STC2: variants seen among roughly 807,000 people sequenced by gnomAD.
STC2 encodes the protein stanniocalcin-2.
In STC2, 7 loss-of-function variants were observed where a neutral mutation model predicts 22.7. The observed-to-expected ratio is 0.31, with a 90% confidence interval of 0.18 to 0.58. STC2 has a LOEUF of 0.58. Ranked by LOEUF, STC2 falls within the 20% of genes least tolerant of loss-of-function variation. The probability of loss-of-function intolerance (pLI) is 0.89; values close to 1 mark genes in which losing one functional copy is unlikely to be tolerated. For missense variants in STC2, 336 were observed against 406.2 expected (o/e 0.83, Z 1.48); for synonymous variants, 158 against 163.4 (o/e 0.97, Z 0.25).
intron 3 of STC2, among the ~76,000 whole-genome samples, chr5:173,320,654 G>A (rs1762473535): frequency 2.6e-5 from 4 of 151,820 alleles, no homozygotes; most frequent in African/African-American, 9.7e-5. Flanking sequence ...AAGGGGTGAG[G>A]GGAGCGGAGA....
At position 173,323,508 on chromosome 5, in the gene STC2, CTTCTT is replaced by C; in HGVS notation, c.295-83_295-79del. 1.5e-6 allele frequency: 2 copies of C among 1,352,320 alleles called. No homozygotes were observed. The highest frequency in any genetic ancestry group is 1.4e-5 in the African/African-American group (1 of 69,224). 83.8% of individuals were successfully genotyped at this position (1,352,320 alleles called of 1,614,324 possible). A position where few individuals can be genotyped will look rare whatever the true frequency, so the allele number is the denominator to read the frequency against. On this transcript the variant is annotated intron_variant, in intron 2 of 3. Coordinates refer to ENST00000265087, the MANE Select transcript of STC2 (RefSeq NM_003714.3). The surrounding 1 kb of genome is among the most constrained non-coding windows in gnomAD (Gnocchi z 5.4). ...CGTTACATGCTTGGACATTTCAGCC[CTTCTT>C]GGGCTTACACAGGATATTTCTGACA...
At chr5:173,324,297 C>A (rs910706123) in intron 2 of STC2, 1 of 152,256 alleles carries the variant, frequency 6.6e-6, no homozygotes, top group African/African-American at 2.4e-5. Flanking sequence ...ATCAACCTCG[C>A]GCAGCCCGGA....
rs951042225 is a variant in STC2, at chr5:173,328,387, T to A, written c.-194A>T. 18 of 473,544 alleles carry A rather than the reference T, an allele frequency of 3.8e-5. No homozygotes were observed. The highest frequency in any genetic ancestry group is 2.1e-5 in the Non-Finnish European group (6 of 287,864). The allele number at this position is 473,544 out of a possible 1,614,324, so 29.3% of individuals were successfully genotyped here. Reference sequence around the variant, plus strand: ...CTCCCGTAGCTCTCCGGAGAGCATGTGACCAGGCCGTTAGCAGCGCCGCGA... The same window carrying A: ...CTCCCGTAGCTCTCCGGAGAGCATGAGACCAGGCCGTTAGCAGCGCCGCGA... On this transcript the variant is annotated 5_prime_UTR_variant, in exon 1 of 4. Coordinates refer to ENST00000265087, the MANE Select transcript of STC2 (RefSeq NM_003714.3).
Position 173,317,931 on chromosome 5 carries a change from T to G in STC2, c.825A>C (p.Arg275Ser). The G allele has an allele frequency of 1.2e-6, 2 of 1,613,390 alleles. No homozygotes were observed. Among genetic ancestry groups the G allele is most frequent in the Non-Finnish European group, 1.7e-6 (2 of 1,179,770 alleles). ...GTCCCTGAGCCCCAAGGCCCCCGAC[T>G]CTGCCTCGGGCATGGGCGTTTGGGT... ...KSHPNAHARG[R>S]VGGLGAQGPS... Residue 275 changes from arginine (R) to serine (S), a missense_variant, in exon 4 of 4, where the codon AGA becomes AGC. Around this residue, in one of 3 missense-constraint regions of STC2, gnomAD observed 215 missense variants for 231.5 expected, o/e 0.93. Transcript: ENST00000265087.
intron 3 of STC2, among the ~76,000 whole-genome samples, chr5:173,321,920 C>T (rs533777043): frequency 3.3e-5 from 5 of 152,220 alleles, no homozygotes; most frequent in Non-Finnish European, 5.9e-5. Flanking sequence ...AAGGCGTTAG[C>T]CTAATTCGAG....
In STC2 at chr5:173,328,026, G is replaced by C. The variant is rs1199015811; in HGVS notation, c.151+17C>G. 1.4e-6 allele frequency: 2 copies of C among 1,471,210 alleles called. No individual in the cohort carries two copies. The highest frequency in any genetic ancestry group is 2.6e-5 in the East Asian group (1 of 38,272). The allele number at this position is 1,471,210 out of a possible 1,614,324, so 91.1% of individuals were successfully genotyped here. Reference sequence around the variant, plus strand: ...CCTCTCCCAGTAGCTCCCGGCTGCGGGGGCACATGCACTTACCTGTATTCT... The same window carrying C: ...CCTCTCCCAGTAGCTCCCGGCTGCGCGGGCACATGCACTTACCTGTATTCT... On this transcript the variant is annotated intron_variant, in intron 1 of 3. Transcript: ENST00000265087.
Position 173,315,266 on chromosome 5 carries a change from A to T in STC2, c.*2581T>A, listed in dbSNP as rs530088484. On this transcript the variant is annotated 3_prime_UTR_variant, in exon 4 of 4. Coordinates refer to ENST00000265087, the MANE Select transcript of STC2 (RefSeq NM_003714.3). Reference sequence around the variant, plus strand: ...CATTTTAGATTGTGCAAATGTCTCAATCAATGCTTGCAGGAATGTGGACCT... The same window carrying T: ...CATTTTAGATTGTGCAAATGTCTCATTCAATGCTTGCAGGAATGTGGACCT... 20 of 152,206 alleles carry T rather than the reference A, an allele frequency of 1.3e-4. No individual in the cohort carries two copies. The highest frequency in any genetic ancestry group is 2.9e-4 in the Non-Finnish European group (20 of 68,042). The allele number at this position is 152,206 out of a possible 1,614,324, so 9.4% of individuals were successfully genotyped here.
In STC2 at chr5:173,323,041, A is replaced by C; in HGVS notation, c.506+178T>G. 1.6e-6 allele frequency: 1 copy of C among 619,478 alleles called. No individual in the cohort carries two copies. The highest frequency in any genetic ancestry group is 2.9e-6 in the Non-Finnish European group (1 of 348,204). The allele number at this position is 619,478 out of a possible 1,614,324, so 38.4% of individuals were successfully genotyped here. Reference sequence around the variant, plus strand: ...TGATGAGGGAATTCTCTCTTTTCCTAAAAGCCAGCAGGAAAGGGGCCTTTT... The same window carrying C: ...TGATGAGGGAATTCTCTCTTTTCCTCAAAGCCAGCAGGAAAGGGGCCTTTT... On this transcript the variant is annotated intron_variant, in intron 3 of 3. Transcript: ENST00000265087. This position sits in a 1 kb window ranked among gnomAD's most constrained non-coding sequence, Gnocchi z 5.4.
Position 173,323,951 on chromosome 5 carries a change from T to A in STC2, c.295-521A>T. The A allele has an allele frequency of 5.9e-6, 1 of 169,752 alleles. No homozygotes were observed. The highest frequency in any genetic ancestry group is 1.3e-5 in the Non-Finnish European group (1 of 77,984). 10.5% of individuals were successfully genotyped at this position (169,752 alleles called of 1,614,324 possible). A position where few individuals can be genotyped will look rare whatever the true frequency, so the allele number is the denominator to read the frequency against. On this transcript the variant is annotated intron_variant, in intron 2 of 3. Transcript: ENST00000265087. This position sits in a 1 kb window ranked among gnomAD's most constrained non-coding sequence, Gnocchi z 5.4. ...TGATTGCTGATTGTACCTCCCTTTC[T>A]GCCTCCGTGCCTCCCACGCCCCAAA...
At chr5:173,327,101 A>G (rs949741409) in intron 1 of STC2, among the ~76,000 whole-genome samples, 5 of 151,852 alleles carry the variant, frequency 3.3e-5, no homozygotes, top group Admixed American at 2.6e-4. Context: ...TGTGGAGGCG[A>G]CAGGATCCGT....
chr5:173,326,213 A>G (rs1762544350), intron 1 of STC2, among the ~76,000 whole-genome samples: 1 of 152,236 alleles, frequency 6.6e-6, no homozygotes, highest in African/African-American at 2.4e-5. Context: ...CTCTATTTGT[A>G]AATATTTGTA....
Position 173,323,482 on chromosome 5 carries a change from T to C in STC2, c.295-52A>G. ...AGAGAGGGGCAGAAAGCAGAAGACC[T>C]CGTTACATGCTTGGACATTTCAGCC... On this transcript the variant is annotated intron_variant, in intron 2 of 3. Coordinates refer to ENST00000265087, the MANE Select transcript of STC2 (RefSeq NM_003714.3). The surrounding 1 kb of genome is among the most constrained non-coding windows in gnomAD (Gnocchi z 5.4). The C allele has an allele frequency of 6.7e-7, 1 of 1,497,694 alleles. No homozygotes were observed. The highest frequency in any genetic ancestry group is 9.1e-7 in the Non-Finnish European group (1 of 1,097,664). The allele number at this position is 1,497,694 out of a possible 1,614,324, so 92.8% of individuals were successfully genotyped here. A position where few individuals can be genotyped will look rare whatever the true frequency, so the allele number is the denominator to read the frequency against.
At position 173,328,188 on chromosome 5, in the gene STC2, A is replaced by G; in HGVS notation, c.6T>C (p.Cys2=). 1 of 1,527,484 alleles carries G rather than the reference A, an allele frequency of 6.5e-7. No homozygotes were observed. Among genetic ancestry groups the G allele is most frequent in the Non-Finnish European group, 8.8e-7 (1 of 1,134,544 alleles). 94.6% of individuals were successfully genotyped at this position (1,527,484 alleles called of 1,614,324 possible). A position where few individuals can be genotyped will look rare whatever the true frequency, so the allele number is the denominator to read the frequency against. Residue 2 remains cysteine, a synonymous_variant, in exon 1 of 4, where the codon TGT becomes TGC. Coordinates refer to ENST00000265087, the MANE Select transcript of STC2 (RefSeq NM_003714.3). M[C]AERLGQFMTL... is the part of the protein sequence containing the mutation. ...TCATGAACTGGCCCAGCCGCTCGGC[A>G]CACATGGTTCTTGGTATTAACCTCC...
At position 173,328,121 on chromosome 5, in the gene STC2, TC is replaced by T; in HGVS notation, c.72del (p.Thr25ProfsTer62). 1 of 1,601,090 alleles carries T rather than the reference TC, an allele frequency of 6.2e-7. No homozygotes were observed. The highest frequency in any genetic ancestry group is 8.5e-7 in the Non-Finnish European group (1 of 1,173,920). ...CCCTCGGGTGGGTTGGTGGCGTCGG[TC>T]CCCCGCGCCGGGTCAAAGGTGGCCA... ...LVLATFDPAR[G>X]TDATNPPEGP... On this transcript the variant is annotated frameshift_variant, in exon 1 of 4. Coordinates refer to ENST00000265087, the MANE Select transcript of STC2 (RefSeq NM_003714.3). LOFTEE classifies it high-confidence loss of function.
chr5:173,324,556 C>G (rs1044541038), intron 2 of STC2, among the ~76,000 whole-genome samples: 3 of 152,238 alleles, frequency 2.0e-5, no homozygotes, highest in African/African-American at 7.2e-5. Flanking sequence ...ATGGCCTCCC[C>G]GTGGCCCCCT....
At position 173,325,526 on chromosome 5, in the gene STC2, GA is replaced by G; in HGVS notation, c.294+341del. 6.6e-6 allele frequency among the ~76,000 whole-genome samples: 1 copy of G among 152,172 alleles called. No homozygotes were observed. Among genetic ancestry groups the G allele is most frequent in the Non-Finnish European group, 1.5e-5 (1 of 68,036 alleles). On this transcript the variant is annotated intron_variant, in intron 2 of 3. Transcript: ENST00000265087. This position sits in a 1 kb window ranked among gnomAD's most constrained non-coding sequence, Gnocchi z 4.7. ...TTTGTGTCTCATTTTCCTAGTAGGTGAAATGACTTCTGAAATGTATAATTGG... is the reference window on the plus strand; with the variant it reads ...TTTGTGTCTCATTTTCCTAGTAGGTGAATGACTTCTGAAATGTATAATTGG...
At chr5:173,319,630 G>A (rs980247271) in intron 3 of STC2, among the ~76,000 whole-genome samples, 2 of 152,224 alleles carry the variant, frequency 1.3e-5, no homozygotes, top group African/African-American at 4.8e-5. Context: ...GTAGTTTACT[G>A]CCTTTTTATT....
rs540093350 is a variant in STC2, at chr5:173,321,615, C to A, written c.506+1604G>T. 2.0e-5 allele frequency among the ~76,000 whole-genome samples: 3 copies of A among 152,356 alleles called. No individual in the cohort carries two copies. In the South Asian group the frequency reaches 6.2e-4, roughly 32 times the overall value. ...CAGGTTTGAAGTCTATTCCTGATGA[C>A]TGGCTTCAGTCATGTATACCAGCAA... is the stretch of plus-strand genomic sequence containing the variant. On this transcript the variant is annotated intron_variant, in intron 3 of 3. Transcript: ENST00000265087.
rs926341085 is a variant in STC2 at position 173,316,987 on chromosome 5, A to T, written c.*860T>A. ...AGCTTTTAAAATAGAACTTAAAAAA[A>T]AGAAAAATCAGCCTCAAAGGATGGG... On this transcript the variant is annotated 3_prime_UTR_variant, in exon 4 of 4. Coordinates refer to ENST00000265087, the MANE Select transcript of STC2 (RefSeq NM_003714.3). 2.6e-5 allele frequency: 4 copies of T among 152,180 alleles called. No individual in the cohort carries two copies. Among genetic ancestry groups the T allele is most frequent in the Admixed American group, 1.3e-4 (2 of 15,282 alleles). 9.4% of individuals were successfully genotyped at this position (152,180 alleles called of 1,614,324 possible). A position where few individuals can be genotyped will look rare whatever the true frequency, so the allele number is the denominator to read the frequency against.
Sources: allele counts gnomAD v4.1 joint callset (sites outside exome capture counted in the v4.1 genomes callset), GRCh38; gene constraint gnomAD v4.1.1; regional missense constraint gnomAD v4.1.1; non-coding constraint Gnocchi (gnomAD v3.1); transcripts MANE v1.5; gene names NCBI Gene and HGNC (gene_info 2026-07-23, HGNC 2026-07-21).